Variants in ENTREP2 observed in about 807,000 individuals in gnomAD.
The protein encoded by ENTREP2 is endosomal transmembrane epsin interactor 2.
At chr15:29,544,238 G>C in the ENTREP2 span, among the ~76,000 whole-genome samples, 1 of 152,138 alleles carries the variant, frequency 6.6e-6, no homozygotes, top group Non-Finnish European at 1.5e-5. Flanking sequence ...TTAGAGTAAG[G>C]ACATTTCCAC....
chr15:29,594,999 C>T, the ENTREP2 span, among the ~76,000 whole-genome samples: 3 of 131,612 alleles, frequency 2.3e-5, no homozygotes, highest in East Asian at 2.6e-4. Context: ...ACCCAGGAGG[C>T]GGAGCTTGGA....
chr15:29,148,144 G>T, the ENTREP2 span, among the ~76,000 whole-genome samples: 4 of 152,174 alleles, frequency 2.6e-5, no homozygotes, highest in Middle Eastern at 3.2e-3. Flanking sequence ...TGAGAGGTGG[G>T]AAGGAAATAG....
At chr15:29,296,604 A>C in the ENTREP2 span, among the ~76,000 whole-genome samples, 22 of 152,226 alleles carry the variant, frequency 1.4e-4, no homozygotes, top group African/African-American at 5.3e-4. Context: ...TTTAAATTAA[A>C]CATTACATAT....
the ENTREP2 span, among the ~76,000 whole-genome samples, chr15:29,657,483 C>CGGGGGGGGGGGGGGGGGG: frequency 1.3e-4 from 9 of 69,434 alleles, no homozygotes; most frequent in Admixed American, 6.8e-4. Context: ...GCTGGGGGGG[C>CGGGGGGGGGGGGGGGGGG]GGGGGGGGGG....
the ENTREP2 span, among the ~76,000 whole-genome samples, chr15:29,642,971 T>G: frequency 5.9e-4 from 90 of 152,248 alleles, no homozygotes; most frequent in African/African-American, 2.1e-3. Flanking sequence ...GCAAAAGAAT[T>G]AAATTGAACC....
the ENTREP2 span, among the ~76,000 whole-genome samples, chr15:29,356,927 A>T: frequency 5.3e-5 from 8 of 152,200 alleles, no homozygotes; most frequent in African/African-American, 1.9e-4. Context: ...AAAAGCCCAG[A>T]TGCCTTTGGA....
the ENTREP2 span, among the ~76,000 whole-genome samples, chr15:29,274,679 G>C: frequency 6.6e-6 from 1 of 152,182 alleles, no homozygotes; most frequent in Non-Finnish European, 1.5e-5. Flanking sequence ...ACTACACAAA[G>C]TTGTATATAC....
chr15:29,465,280 G>T, the ENTREP2 span, among the ~76,000 whole-genome samples: 4 of 152,092 alleles, frequency 2.6e-5, no homozygotes, highest in African/African-American at 4.8e-5. Flanking sequence ...TTCTCCATTT[G>T]CAGAACTTCA....
At chr15:29,571,582 T>C in the ENTREP2 span, among the ~76,000 whole-genome samples, 1 of 152,192 alleles carries the variant, frequency 6.6e-6, no homozygotes, top group Admixed American at 6.5e-5. Flanking sequence ...ACACACGATG[T>C]CCCTTACCCA....
At chr15:29,129,971 G>A in the ENTREP2 span, among the ~76,000 whole-genome samples, 1 of 152,156 alleles carries the variant, frequency 6.6e-6, no homozygotes, top group South Asian at 2.1e-4. Context: ...GGTGAGGGGG[G>A]CTCCTGCGAC....
the ENTREP2 span, among the ~76,000 whole-genome samples, chr15:29,380,557 GAGA>G: frequency 6.6e-6 from 1 of 152,080 alleles, no homozygotes; most frequent in Non-Finnish European, 1.5e-5. Flanking sequence ...TGCATACACT[GAGA>G]AGAACAGGCA....
chr15:29,362,079 G>A, the ENTREP2 span, among the ~76,000 whole-genome samples: 90 of 152,248 alleles, frequency 5.9e-4, no homozygotes, highest in African/African-American at 2.1e-3. Context: ...TCCATCCAGA[G>A]GCACATCCCA....
the ENTREP2 span, among the ~76,000 whole-genome samples, chr15:29,345,698 C>T: frequency 1.3e-5 from 2 of 152,012 alleles, no homozygotes; most frequent in African/African-American, 4.8e-5. Context: ...CACATCCCCC[C>T]CAGCTCCTCA....
chr15:29,178,621 C>A, the ENTREP2 span, among the ~76,000 whole-genome samples: 2 of 151,998 alleles, frequency 1.3e-5, no homozygotes, highest in Non-Finnish European at 2.9e-5. Flanking sequence ...CCTTTGCTCA[C>A]CCAACTTCCC....
At chr15:29,225,479 C>T in the ENTREP2 span, among the ~76,000 whole-genome samples, 15 of 152,272 alleles carry the variant, frequency 9.9e-5, no homozygotes, top group South Asian at 2.1e-4. Context: ...CTGTGGGAAT[C>T]GGGCAGGGAA....
the ENTREP2 span, among the ~76,000 whole-genome samples, chr15:29,598,681 T>TC: frequency 9.2e-5 from 12 of 131,062 alleles, 1 homozygote; most frequent in Admixed American, 8.4e-4. Context: ...TGACCTAAAA[T>TC]CTTTTTTTTC....
At chr15:29,228,387 G>C in the ENTREP2 span, among the ~76,000 whole-genome samples, 2 of 152,108 alleles carry the variant, frequency 1.3e-5, no homozygotes, top group Non-Finnish European at 2.9e-5. Context: ...GAGTGACCTA[G>C]AATGGGATAA....
the ENTREP2 span, chr15:29,233,884 T>C: frequency 6.3e-7 from 1 of 1,580,510 alleles, no homozygotes; most frequent in Non-Finnish European, 8.7e-7. Flanking sequence ...GAGCCTGAGC[T>C]GACATTGTAG....
the ENTREP2 span, among the ~76,000 whole-genome samples, chr15:29,668,129 A>T: frequency 6.6e-6 from 1 of 152,196 alleles, no homozygotes; most frequent in African/African-American, 2.4e-5. Context: ...TCAATCGTGG[A>T]AGAAAAGGGT....
Sources: allele counts gnomAD v4.1 joint callset (sites outside exome capture counted in the v4.1 genomes callset), GRCh38; gene constraint gnomAD v4.1.1; transcripts MANE v1.5; gene names NCBI Gene and HGNC (gene_info 2026-07-23, HGNC 2026-07-21).